TRPC4AP: variants seen among roughly 807,000 people sequenced by gnomAD.
TRPC4AP encodes short transient receptor potential channel 4-associated protein.
A neutral mutation model predicts 99.0 loss-of-function variants in TRPC4AP; 45 were observed. The ratio of observed to expected loss-of-function variants is 0.45; its 90% CI spans 0.36 to 0.58. The LOEUF (loss-of-function observed/expected upper bound fraction) is 0.58. Among genes scored for constraint, TRPC4AP ranks in the 20% least tolerant of loss-of-function variants. The probability of loss-of-function intolerance (pLI) is 0.00; values close to 1 mark genes in which losing one functional copy is unlikely to be tolerated. For synonymous variants in TRPC4AP, 408 were observed against 385.8 expected (o/e 1.06, Z -0.67); for missense variants, 879 against 985.3 (o/e 0.89, Z 1.44).
intron 10 of TRPC4AP, among the ~76,000 whole-genome samples, chr20:35,015,090 C>T (rs1286189816): frequency 6.6e-6 from 1 of 152,206 alleles, no homozygotes; most frequent in Non-Finnish European, 1.5e-5. Flanking sequence ...ACCTCTACCT[C>T]CCGGGTTCAA....
intron 10 of TRPC4AP, 45 bp from the exon 11 acceptor site, chr20:35,013,111 G>A (rs781511521): frequency 1.2e-6 from 2 of 1,601,420 alleles, no homozygotes; most frequent in Non-Finnish European, 1.7e-6. Context: ...CAGCCACAAG[G>A]TTCCAAAATA....
chr20:35,061,496 T>A lies in TRPC4AP; in HGVS notation c.415-3925A>T, dbSNP rs1052261305. Among the ~76,000 whole-genome samples, 3 of 152,334 alleles carry A rather than the reference T, an allele frequency of 2.0e-5. No homozygotes were observed. The East Asian group carries it at 5.8e-4, about 29-fold the overall frequency. On this transcript the variant is annotated intron_variant, in intron 3 of 18. Coordinates refer to ENST00000252015, the MANE Select transcript of TRPC4AP (RefSeq NM_015638.3). ...TGGCAAGCTGATCCTGAAATTCACATGCAAATATAAGGGATGCATAACAGC... is the reference window on the plus strand; with the variant it reads ...TGGCAAGCTGATCCTGAAATTCACAAGCAAATATAAGGGATGCATAACAGC...
chr20:35,054,483 G>A (rs1364795337), intron 5 of TRPC4AP, among the ~76,000 whole-genome samples: 1 of 152,066 alleles, frequency 6.6e-6, no homozygotes, highest in Non-Finnish European at 1.5e-5. Flanking sequence ...CACAAAATCA[G>A]GTCCTAACAC....
chr20:35,010,334 T>G (rs1261409660), intron 11 of TRPC4AP, 46 bp from the exon 12 acceptor site: 3 of 1,542,626 alleles, frequency 1.9e-6, no homozygotes, highest in Non-Finnish European at 2.7e-6. Context: ...GAACTGGGGC[T>G]GCTGGGTCAG....
At chr20:35,004,352 C>A in intron 17 of TRPC4AP, 106 bp downstream of exon 17, 1 of 929,830 alleles carries the variant, frequency 1.1e-6, no homozygotes, top group Non-Finnish European at 1.7e-6. Context: ...GCTGGGTCTC[C>A]AGAGACGCAC....
chr20:35,003,750 A>G, intron 17 of TRPC4AP, 134 bp from the exon 18 acceptor site: 4 of 948,810 alleles, frequency 4.2e-6, no homozygotes, highest in Non-Finnish European at 6.1e-6. Flanking sequence ...CCCTGCACAG[A>G]GGTGAGATAG....
chr20:35,090,722 G>C (rs2085035540), intron 1 of TRPC4AP, among the ~76,000 whole-genome samples: 1 of 152,114 alleles, frequency 6.6e-6, no homozygotes, highest in Non-Finnish European at 1.5e-5. Flanking sequence ...TTCAGCACTG[G>C]AAACAAATTA....
chr20:35,038,633 C>T (rs2083378414), intron 7 of TRPC4AP, among the ~76,000 whole-genome samples: 1 of 152,138 alleles, frequency 6.6e-6, no homozygotes. Flanking sequence ...CTCCTTCCCC[C>T]GTCCCATGAT....
At chr20:35,088,526 AACT>A (rs1218074474) in intron 1 of TRPC4AP, among the ~76,000 whole-genome samples, 2 of 152,262 alleles carry the variant, frequency 1.3e-5, no homozygotes, top group African/African-American at 2.4e-5. Context: ...CAGTCTAATT[AACT>A]ACTAGCTGAG....
chr20:35,080,346 A>G (rs1412901245), intron 1 of TRPC4AP, among the ~76,000 whole-genome samples: 1 of 151,874 alleles, frequency 6.6e-6, no homozygotes, highest in African/African-American at 2.4e-5. Flanking sequence ...ACAAAAAAAA[A>G]AAAAATTAGC....
At chr20:35,077,523 A>T (rs1489568934) in intron 2 of TRPC4AP, among the ~76,000 whole-genome samples, 1 of 151,972 alleles carries the variant, frequency 6.6e-6, no homozygotes, top group Non-Finnish European at 1.5e-5. Flanking sequence ...GGGGCCCAGA[A>T]CTCTGTGTTT....
Position 35,021,431 on chromosome 20 carries a change from G to A in TRPC4AP, c.1052-75C>T, listed in dbSNP as rs1217460217. On this transcript the variant is annotated intron_variant, in intron 8 of 18. Transcript: ENST00000252015. ...CGTTTCTGCCCCTCGAACCTGCTCT[G>A]AACAGACTTGTAGCATGGCCATTCG... is the stretch of plus-strand genomic sequence containing the variant. 3 of 1,525,714 alleles carry A rather than the reference G, an allele frequency of 2.0e-6. No individual in the cohort carries two copies. The East Asian group carries it at 6.8e-5, about 35-fold the overall frequency. The allele number at this position is 1,525,714 out of a possible 1,614,324, so 94.5% of individuals were successfully genotyped here.
intron 11 of TRPC4AP, among the ~76,000 whole-genome samples, chr20:35,011,804 G>C (rs2082644259): frequency 6.6e-6 from 1 of 152,210 alleles, no homozygotes; most frequent in Admixed American, 6.5e-5. Flanking sequence ...TGACACTTCA[G>C]GTCTTGGCTG....
At chr20:35,029,447 A>G (rs2378332) in intron 8 of TRPC4AP, among the ~76,000 whole-genome samples, 89,739 of 151,790 alleles carry the variant, frequency 0.59, 27,427 homozygotes, top group Middle Eastern at 0.74. Flanking sequence ...ATCTATTCAC[A>G]TTTAATGTTA....
intron 9 of TRPC4AP, 63 bp from the exon 10 acceptor site, chr20:35,016,202 C>T: frequency 2.5e-6 from 4 of 1,587,828 alleles, no homozygotes; most frequent in South Asian, 1.1e-5. Context: ...AGCAAAACCT[C>T]GTGCTCAGTA....
intron 10 of TRPC4AP, 118 bp downstream of exon 10, chr20:35,015,890 T>C (rs2082744197): frequency 1.5e-6 from 2 of 1,314,592 alleles, no homozygotes; most frequent in East Asian, 2.5e-5. Context: ...CTATAAGATA[T>C]GATTTTAGTT....
chr20:35,051,565 C>T (rs2083701295), intron 5 of TRPC4AP, among the ~76,000 whole-genome samples: 1 of 150,824 alleles, frequency 6.6e-6, no homozygotes, highest in Non-Finnish European at 1.5e-5. Flanking sequence ...AGAAAGCAAT[C>T]TCCATCTGTA....
chr20:35,024,158 T>C lies in TRPC4AP; in HGVS notation c.1052-2802A>G, dbSNP rs976738674. Among the ~76,000 whole-genome samples the C allele has an allele frequency of 2.0e-5, 3 of 150,656 alleles. No individual in the cohort carries two copies. In the Admixed American group the frequency reaches 2.0e-4, roughly 10 times the overall value. On this transcript the variant is annotated intron_variant, in intron 8 of 18. Transcript: ENST00000252015. The stretch of plus-strand genomic sequence containing the variant: ...TTTTTTTTTTTTAACAGCTTTGAGG[T>C]ACAATTCACATACCATGCAATTCAC...
At position 35,035,301 on chromosome 20, in the gene TRPC4AP, A is replaced by C; in HGVS notation, c.873T>G (p.Leu291=). 6.2e-7 allele frequency: 1 copy of C among 1,613,532 alleles called. No individual in the cohort carries two copies. Among genetic ancestry groups the C allele is most frequent in the Non-Finnish European group, 8.5e-7 (1 of 1,179,674 alleles). The change falls in exon 8 of 19, where the codon CTT becomes CTG. Residue 291 remains leucine (L), a synonymous_variant. Transcript: ENST00000252015. ...PSAAEINQAA[L]LSIPGFVERL... ...GCTCAACAAAGCCAGGAATGCTGAG[A>C]AGGGCCGCTGCCAGGGAAAGAACAA...
Sources: gnomAD v4.1 joint callset for allele counts (sites outside exome capture counted in the v4.1 genomes callset) on GRCh38, gnomAD v4.1.1 for gene constraint, MANE v1.5 for transcripts, NCBI Gene and HGNC (gene_info 2026-07-23, HGNC 2026-07-21) for gene names.